Variants in NPFFR2 observed in about 807,000 individuals in gnomAD.
The protein encoded by NPFFR2 is G-protein coupled receptor 74.
NPFFR2 carries 15 observed loss-of-function variants against 13.1 expected under a neutral mutation model. The observed-to-expected ratio is 1.15, with a 90% CI of 0.77 to 1.76. The LOEUF is 1.76. NPFFR2 is among the 40% of genes most tolerant of loss of function. The pLI is 0.00. For synonymous variants in NPFFR2, 190 were observed against 175.7 expected (o/e 1.08, Z -0.65); for missense variants, 572 against 503.5 (o/e 1.14, Z -1.30).
chr4:72,048,987 A>G (rs192384752), intron 1 of NPFFR2, among the ~76,000 whole-genome samples: 42 of 152,206 alleles, frequency 2.8e-4, no homozygotes, highest in Admixed American at 2.1e-3. Flanking sequence ...CTTGTGAAAG[A>G]AGATATGTAG....
Position 72,125,939 on chromosome 4 carries a change from G to A in NPFFR2, c.-7-2646G>A, listed in dbSNP as rs142507235. ...GCCATTATGCTGCTGACCATAGGTG[G>A]TAGGAAGTTTAAATTTTATAGCTAA... On this transcript the variant is annotated intron_variant, in intron 1 of 3. Coordinates refer to ENST00000308744, the MANE Select transcript of NPFFR2 (RefSeq NM_004885.3). Among the ~76,000 whole-genome samples, 674 of 152,296 alleles carry A rather than the reference G, an allele frequency of 4.4e-3. 3 individuals are homozygous for A. Among genetic ancestry groups the A allele is most frequent in the African/African-American group, 0.016 (648 of 41,564 alleles).
chr4:72,146,760 T>A, intron 3 of NPFFR2: 1 of 498,728 alleles, frequency 2.0e-6, no homozygotes, highest in Non-Finnish European at 3.5e-6. Flanking sequence ...TTATTAATAG[T>A]GTCTGCTATA....
chr4:72,084,581 T>G (rs1720715276), intron 1 of NPFFR2, among the ~76,000 whole-genome samples: 1 of 152,154 alleles, frequency 6.6e-6, no homozygotes, highest in Non-Finnish European at 1.5e-5. Context: ...TTAGCAGATG[T>G]TTTAGGTGAC....
chr4:72,108,234 A>G (rs1721471453), intron 1 of NPFFR2, among the ~76,000 whole-genome samples: 1 of 152,020 alleles, frequency 6.6e-6, no homozygotes, highest in Non-Finnish European at 1.5e-5. Context: ...ATAAATTCAT[A>G]TGTTCTGTAT....
At chr4:72,040,576 G>A (rs1719180058) in intron 1 of NPFFR2, among the ~76,000 whole-genome samples, 1 of 151,980 alleles carries the variant, frequency 6.6e-6, no homozygotes, top group African/African-American at 2.4e-5. Context: ...TCTCCTTACT[G>A]TTTTTCTTCA....
intron 1 of NPFFR2, among the ~76,000 whole-genome samples, chr4:72,125,835 C>A (rs1722027970): frequency 6.6e-6 from 1 of 152,212 alleles, no homozygotes; most frequent in Non-Finnish European, 1.5e-5. Context: ...TATAAGCTAA[C>A]TAGCAACCTT....
In NPFFR2 at chr4:72,084,993, CAA is replaced by C. The variant is rs1350977550; in HGVS notation, c.-7-43588_-7-43587del. Among the ~76,000 whole-genome samples, 9 of 151,734 alleles carry C rather than the reference CAA, an allele frequency of 5.9e-5. No individual in the cohort carries two copies. In the East Asian group the frequency reaches 1.7e-3, roughly 29 times the overall value. ...TTTAGACTCTGCATTAGGTGGAATC[CAA>C]AAATTACAGACAATCATGCTGTTCT... On this transcript the variant is annotated intron_variant, in intron 1 of 3. Transcript: ENST00000308744.
At chr4:72,053,709 C>T (rs377077237) in intron 1 of NPFFR2, among the ~76,000 whole-genome samples, 1 of 151,748 alleles carries the variant, frequency 6.6e-6, no homozygotes, top group East Asian at 1.9e-4. Context: ...TCTATGTACA[C>T]AATCATGCAT....
intron 1 of NPFFR2, among the ~76,000 whole-genome samples, chr4:72,060,650 G>A (rs1719894691): frequency 1.3e-5 from 2 of 152,076 alleles, no homozygotes; most frequent in South Asian, 2.1e-4. Context: ...ACCTTTGGGG[G>A]AAAACAACAT....
At chr4:72,134,152 C>G (rs1009680557) in intron 2 of NPFFR2, among the ~76,000 whole-genome samples, 1 of 151,994 alleles carries the variant, frequency 6.6e-6, no homozygotes, top group Non-Finnish European at 1.5e-5. Context: ...GTAATTCCAG[C>G]CACTCAGGAA....
chr4:72,145,213 A>G (rs1726784997), intron 3 of NPFFR2, among the ~76,000 whole-genome samples: 1 of 150,346 alleles, frequency 6.7e-6, no homozygotes, highest in South Asian at 2.1e-4. Flanking sequence ...CAAATATATA[A>G]GTATATATAC....
intron 1 of NPFFR2, among the ~76,000 whole-genome samples, chr4:72,074,227 T>C (rs1285754653): frequency 6.6e-6 from 1 of 152,200 alleles, no homozygotes; most frequent in East Asian, 1.9e-4. Flanking sequence ...ATCCTGCTCT[T>C]CAGAATGACA....
At chr4:72,080,399 G>A (rs1452086758) in intron 1 of NPFFR2, among the ~76,000 whole-genome samples, 1 of 151,896 alleles carries the variant, frequency 6.6e-6, no homozygotes, top group African/African-American at 2.4e-5. Context: ...TCCTGACCTC[G>A]TGATCTGCCT....
At chr4:72,124,317 C>A (rs1721973535) in intron 1 of NPFFR2, among the ~76,000 whole-genome samples, 1 of 152,026 alleles carries the variant, frequency 6.6e-6, no homozygotes, top group South Asian at 2.1e-4. Context: ...AAATGGCCTT[C>A]CTGACAAAAG....
chr4:72,045,577 A>G (rs564424612), intron 1 of NPFFR2, among the ~76,000 whole-genome samples: 2 of 152,170 alleles, frequency 1.3e-5, no homozygotes, highest in South Asian at 4.1e-4. Context: ...GCAATTCCCA[A>G]ATGCATTTAG....
In NPFFR2 at chr4:72,057,861, G is replaced by A. The variant is rs905927439; in HGVS notation, c.-8+25661G>A. 2.0e-4 allele frequency among the ~76,000 whole-genome samples: 31 copies of A among 151,946 alleles called. 1 individual carries two copies. The highest frequency in any genetic ancestry group is 1.1e-3 in the Admixed American group (17 of 15,216). ...TATATTGCATCCCTCCATGCGTGAT[G>A]CACTATGAAGAGTACCGTGTCACTT... On this transcript the variant is annotated intron_variant, in intron 1 of 3. Coordinates refer to ENST00000308744, the MANE Select transcript of NPFFR2 (RefSeq NM_004885.3).
chr4:72,112,345 A>G (rs1721587647), intron 1 of NPFFR2, among the ~76,000 whole-genome samples: 1 of 152,000 alleles, frequency 6.6e-6, no homozygotes, highest in African/African-American at 2.4e-5. Context: ...CTCTTTTTAC[A>G]CTGCTTTTTA....
chr4:72,105,218 G>A (rs4235103), intron 1 of NPFFR2, among the ~76,000 whole-genome samples: 145,805 of 151,706 alleles, frequency 0.96, 70,335 homozygotes, highest in South Asian at 1. Flanking sequence ...TTTACAATAT[G>A]TAGAGAGAGT....
At chr4:72,041,257 T>C (rs1441133515) in intron 1 of NPFFR2, among the ~76,000 whole-genome samples, 3 of 152,222 alleles carry the variant, frequency 2.0e-5, no homozygotes, top group African/African-American at 4.8e-5. Context: ...TATTTAGTTT[T>C]CTGTTTCTGC....
Sources: allele counts gnomAD v4.1 joint callset (sites outside exome capture counted in the v4.1 genomes callset), GRCh38; gene constraint gnomAD v4.1.1; transcripts MANE v1.5; gene names NCBI Gene and HGNC (gene_info 2026-07-23, HGNC 2026-07-21).